MDH2: variants seen among roughly 807,000 people sequenced by gnomAD.
MDH2 encodes the protein malate dehydrogenase, mitochondrial.
MDH2 carries 25 observed loss-of-function variants against 33.6 expected under a neutral mutation model. The observed-to-expected ratio is 0.74, with a 90% CI of 0.54 to 1.04. The LOEUF (loss-of-function observed/expected upper bound fraction) is 1.04, where lower values mean the gene tolerates loss of function less well. Ranked by LOEUF, MDH2 falls within the 50% of genes least tolerant of loss-of-function variation. The pLI is 0.00. For synonymous variants in MDH2, 193 were observed against 188.7 expected (o/e 1.02, Z -0.19); for missense variants, 432 against 445.0 (o/e 0.97, Z 0.26).
chr7:76,063,432 A>G, intron 5 of MDH2, 83 bp from the exon 6 acceptor site: 3 of 1,360,508 alleles, frequency 2.2e-6, no homozygotes, highest in Non-Finnish European at 3.1e-6. Context: ...GGGCTTTTCC[A>G]GTGTTGGGGC....
intron 5 of MDH2, among the ~76,000 whole-genome samples, chr7:76,062,641 G>A (rs1371170444): frequency 2.0e-5 from 3 of 152,224 alleles, no homozygotes; most frequent in Non-Finnish European, 2.9e-5. Flanking sequence ...TCAGCCGGGC[G>A]CAGTGGTGCA....
intron 1 of MDH2, chr7:76,048,602 C>T (rs769128012): frequency 8.3e-5 from 108 of 1,293,874 alleles, no homozygotes; most frequent in Non-Finnish European, 9.6e-5. Flanking sequence ...CGTAGCTAAT[C>T]TCCTTGCAGC....
chr7:76,061,565 A>G (rs983789799), intron 5 of MDH2, among the ~76,000 whole-genome samples: 8 of 151,998 alleles, frequency 5.3e-5, no homozygotes, highest in African/African-American at 1.9e-4. Flanking sequence ...GCTTGAACCC[A>G]GGAGTTCAAG....
At chr7:76,057,717 A>T (rs1554586453) in intron 3 of MDH2, among the ~76,000 whole-genome samples, 7 of 152,060 alleles carry the variant, frequency 4.6e-5, no homozygotes. Flanking sequence ...CCCTCTTCTC[A>T]GTCCCACTCT....
In MDH2 at chr7:76,063,547, C is replaced by T; in HGVS notation, c.588C>T (p.Val196=). Reference sequence around the variant, plus strand: ...ATCCAGCTCGAGTCAACGTCCCTGTCATTGGTGGCCATGCTGGGAAGACCA... The same window carrying T: ...ATCCAGCTCGAGTCAACGTCCCTGTTATTGGTGGCCATGCTGGGAAGACCA... ...GLDPARVNVP[V]IGGHAGKTII... The change falls in exon 6 of 9, where the codon GTC becomes GTT. Residue 196 remains valine, a synonymous_variant. Transcript: ENST00000315758. 6.2e-7 allele frequency: 1 copy of T among 1,614,264 alleles called. No individual in the cohort carries two copies. The highest frequency in any genetic ancestry group is 8.5e-7 in the Non-Finnish European group (1 of 1,180,046).
At chr7:76,063,145 T>A (rs1797997264) in intron 5 of MDH2, among the ~76,000 whole-genome samples, 1 of 152,118 alleles carries the variant, frequency 6.6e-6, no homozygotes, top group African/African-American at 2.4e-5. Context: ...AGTCTGGGCT[T>A]GTGCATGGGG....
At chr7:76,048,417 A>G (rs1204933878) in intron 1 of MDH2, 191 bp downstream of exon 1, 2 of 1,140,236 alleles carry the variant, frequency 1.8e-6, no homozygotes, top group South Asian at 1.7e-5. Flanking sequence ...AAAGCCGGGG[A>G]AAAGGGGGCG....
chr7:76,051,007 G>C (rs1407589412), intron 1 of MDH2, among the ~76,000 whole-genome samples: 9 of 152,090 alleles, frequency 5.9e-5, no homozygotes, highest in African/African-American at 2.2e-4. Flanking sequence ...TCAGCCTCCT[G>C]AGTAGCTGGG....
chr7:76,063,362 C>T (rs989876352), intron 5 of MDH2, among the ~76,000 whole-genome samples, 153 bp from the exon 6 acceptor site: 4 of 152,242 alleles, frequency 2.6e-5, no homozygotes, highest in African/African-American at 7.2e-5. Flanking sequence ...GAGATCCAAG[C>T]GCAGCAGGGG....
intron 5 of MDH2, among the ~76,000 whole-genome samples, chr7:76,062,216 C>T (rs369654354): frequency 3.3e-5 from 5 of 152,258 alleles, no homozygotes; most frequent in Non-Finnish European, 5.9e-5. Context: ...TCCCTTTCAA[C>T]GTGGCTCCAG....
chr7:76,063,162 G>A (rs773941826), intron 5 of MDH2, among the ~76,000 whole-genome samples: 4 of 152,166 alleles, frequency 2.6e-5, no homozygotes, highest in African/African-American at 7.2e-5. Flanking sequence ...GGGGAGTGGA[G>A]CCGGCTCTGG....
rs782375944 is a variant in MDH2, at chr7:76,064,760, G to A, written c.734-42G>A. ...CGGGGCCGGCTCACCTGGGCGTCAC[G>A]TTTGTGGCACCAGCCAGGCTGACCT... On this transcript the variant is annotated intron_variant, in intron 7 of 8. Coordinates refer to ENST00000315758, the MANE Select transcript of MDH2 (RefSeq NM_005918.4). 2.7e-5 allele frequency: 43 copies of A among 1,585,686 alleles called. No individual in the cohort carries two copies. In the East Asian group the frequency reaches 8.4e-4, roughly 31 times the overall value.
At chr7:76,056,846 C>G (rs945697182) in intron 2 of MDH2, among the ~76,000 whole-genome samples, 4 of 152,048 alleles carry the variant, frequency 2.6e-5, no homozygotes, top group Admixed American at 6.6e-5. Flanking sequence ...AACCCCTTCT[C>G]TACTAAAAAT....
rs534697928 is a variant in MDH2 at position 76,052,918 on chromosome 7, C to T, written c.67-1912C>T. ...AATGCAATGGCGCCATCATGGCTCA[C>T]GGCAGCCTCAACTCCTGGGCTCAAG... On this transcript the variant is annotated intron_variant, in intron 1 of 8. Coordinates refer to ENST00000315758, the MANE Select transcript of MDH2 (RefSeq NM_005918.4). Among the ~76,000 whole-genome samples the T allele has an allele frequency of 1.4e-4, 22 of 152,054 alleles. 1 individual carries two copies. The South Asian group carries it at 3.7e-3, about 26-fold the overall frequency.
intron 1 of MDH2, 196 bp from the exon 2 acceptor site, chr7:76,054,634 T>G (rs1797716217): frequency 2.1e-5 from 14 of 653,920 alleles, no homozygotes; most frequent in Non-Finnish European, 3.4e-5. Flanking sequence ...CAGACATAAA[T>G]TCTCCCCATT....
chr7:76,054,949 C>T lies in MDH2; in HGVS notation c.186C>T (p.Pro62=), dbSNP rs142434438. The T allele has an allele frequency of 5.6e-6, 9 of 1,613,964 alleles. No individual in the cohort carries two copies. The highest frequency in any genetic ancestry group is 5.9e-6 in the Non-Finnish European group (7 of 1,180,008). The change falls in exon 2 of 9, where the codon CCC becomes CCT. Residue 62 remains proline, a synonymous_variant. Transcript: ENST00000315758. ...CCCTCTATGATATCGCGCACACACC[C>T]GGAGTGGCCGCAGATCTGAGCCACA... ...RLTLYDIAHT[P]GVAADLSHIE...
chr7:76,051,321 T>C (rs1554585415), intron 1 of MDH2, among the ~76,000 whole-genome samples: 2 of 149,192 alleles, frequency 1.3e-5, no homozygotes, highest in African/African-American at 4.9e-5. Context: ...ACTTTGGATT[T>C]TTTTTTTTTT....
intron 1 of MDH2, among the ~76,000 whole-genome samples, chr7:76,050,889 TTTTA>T (rs575420612): frequency 5.2e-4 from 79 of 152,180 alleles, no homozygotes; most frequent in Middle Eastern, 3.4e-3. Flanking sequence ...GGAGTTCAGT[TTTTA>T]TTTATTTACT....
chr7:76,056,654 G>A (rs1455394770), intron 2 of MDH2, among the ~76,000 whole-genome samples: 2 of 152,176 alleles, frequency 1.3e-5, no homozygotes, highest in Non-Finnish European at 2.9e-5. Context: ...AGGAGTAAAC[G>A]AAATAGTAAT....
Sources: gnomAD v4.1 joint callset for allele counts (sites outside exome capture counted in the v4.1 genomes callset) on GRCh38, gnomAD v4.1.1 for gene constraint, MANE v1.5 for transcripts, NCBI Gene and HGNC (gene_info 2026-07-23, HGNC 2026-07-21) for gene names.